SPOCK3: variants seen among roughly 807,000 people sequenced by gnomAD.
The protein encoded by SPOCK3 is SPARC (osteonectin), cwcv and kazal like domains proteoglycan 3, also known as testican-3.
In SPOCK3, 30 loss-of-function variants were observed where a neutral mutation model predicts 56.6. That is an observed-to-expected ratio of 0.53 (90% CI 0.40 to 0.72). The LOEUF is 0.72. Among genes scored for constraint, SPOCK3 ranks in the 30% least tolerant of loss-of-function variants. SPOCK3 has a pLI of 0.00. For missense variants in SPOCK3, 527 were observed against 530.0 expected, an observed-to-expected ratio of 0.99 and a Z score of 0.06; for synonymous variants, 196 against 183.3, an observed-to-expected ratio of 1.07 and a Z score of -0.56.
intron 2 of SPOCK3, among the ~76,000 whole-genome samples, chr4:167,167,930 T>C (rs1283339751): frequency 6.6e-6 from 1 of 152,038 alleles, no homozygotes; most frequent in Non-Finnish European, 1.5e-5. Flanking sequence ...TGGAGAAAAC[T>C]GAATCATGGG....
intron 2 of SPOCK3, among the ~76,000 whole-genome samples, chr4:167,068,694 T>C (rs1422778443): frequency 6.6e-6 from 1 of 151,856 alleles, no homozygotes; most frequent in African/African-American, 2.4e-5. Flanking sequence ...ATATCAGACT[T>C]ATGATTTTAT....
intron 2 of SPOCK3, among the ~76,000 whole-genome samples, chr4:167,214,887 C>T (rs1735211347): frequency 6.6e-6 from 1 of 151,948 alleles, no homozygotes; most frequent in African/African-American, 2.4e-5. Flanking sequence ...CTACTGTTGA[C>T]ATTTTCATAG....
intron 8 of SPOCK3, among the ~76,000 whole-genome samples, chr4:166,745,481 G>C (rs901577597): frequency 1.3e-5 from 2 of 152,194 alleles, no homozygotes; most frequent in African/African-American, 4.8e-5. Flanking sequence ...AAGAGCTCCT[G>C]AAGAAAGCAC....
chr4:167,154,802 T>C (rs1764685389), intron 2 of SPOCK3, among the ~76,000 whole-genome samples: 1 of 152,082 alleles, frequency 6.6e-6, no homozygotes, highest in African/African-American at 2.4e-5. Context: ...GGTTGAGAAA[T>C]AGAAGCCCTG....
chr4:166,851,386 C>T (rs1214420962), intron 6 of SPOCK3, among the ~76,000 whole-genome samples: 3 of 152,172 alleles, frequency 2.0e-5, no homozygotes, highest in African/African-American at 7.2e-5. Context: ...AGCAGAAAAA[C>T]TGGAAACTCT....
chr4:166,774,255 C>T (rs919101449), intron 7 of SPOCK3, among the ~76,000 whole-genome samples: 9 of 152,090 alleles, frequency 5.9e-5, no homozygotes, highest in East Asian at 1.9e-4. Context: ...GATGAATGAA[C>T]GATACGTAAG....
chr4:166,750,019 AC>A (rs944888964), intron 8 of SPOCK3, among the ~76,000 whole-genome samples: 3 of 152,158 alleles, frequency 2.0e-5, no homozygotes, highest in African/African-American at 7.2e-5. Flanking sequence ...AAATGCACGT[AC>A]ATTTGATCGG....
chr4:167,223,235 A>G (rs1199789095), intron 2 of SPOCK3, among the ~76,000 whole-genome samples: 2 of 139,784 alleles, frequency 1.4e-5, no homozygotes, highest in Non-Finnish European at 3.0e-5. Flanking sequence ...TATATAATAT[A>G]TTTTATATTC....
rs1009054886 is a variant in SPOCK3 at position 166,737,711 on chromosome 4, A to G, written c.995-107T>C. 2.3e-5 allele frequency: 28 copies of G among 1,211,760 alleles called. No individual in the cohort carries two copies. In the South Asian group the frequency reaches 4.4e-4, roughly 19 times the overall value. 75.1% of individuals were successfully genotyped at this position (1,211,760 alleles called of 1,614,324 possible). ...ATGCATTAATGCATTAAAGACTTAC[A>G]CATATGGAGTGTCCACTGTATTCCA... On this transcript the variant is annotated intron_variant, in intron 9 of 10. Transcript: ENST00000357545.
chr4:166,851,260 G>T (rs898428668), intron 6 of SPOCK3, among the ~76,000 whole-genome samples: 1 of 152,162 alleles, frequency 6.6e-6, no homozygotes, highest in Non-Finnish European at 1.5e-5. Context: ...TGAGGGTCCT[G>T]TCTGTTAGAA....
chr4:167,124,617 T>C (rs1011216146), intron 2 of SPOCK3, among the ~76,000 whole-genome samples: 3 of 152,116 alleles, frequency 2.0e-5, no homozygotes, highest in South Asian at 2.1e-4. Context: ...ATCTAAATGA[T>C]GCAACAGCTT....
chr4:167,217,344 C>T (rs1250068482), intron 2 of SPOCK3, among the ~76,000 whole-genome samples: 1 of 151,386 alleles, frequency 6.6e-6, no homozygotes, highest in Non-Finnish European at 1.5e-5. Context: ...CTCTACTGAA[C>T]ATGTACAGAT....
At chr4:167,036,545 C>T (rs1385793835) in intron 3 of SPOCK3, among the ~76,000 whole-genome samples, 1 of 152,106 alleles carries the variant, frequency 6.6e-6, no homozygotes. Flanking sequence ...TATTTAGTGG[C>T]CTCTGAAATA....
intron 6 of SPOCK3, among the ~76,000 whole-genome samples, chr4:166,864,073 G>T (rs1170013732): frequency 6.7e-6 from 1 of 149,956 alleles, no homozygotes; most frequent in Non-Finnish European, 1.5e-5. Context: ...AATGGAAATT[G>T]TAACCGTCTC....
intron 4 of SPOCK3, among the ~76,000 whole-genome samples, chr4:166,975,440 G>T (rs1018263952): frequency 2.6e-5 from 4 of 152,112 alleles, no homozygotes; most frequent in Non-Finnish European, 5.9e-5. Context: ...CATACCATGT[G>T]CACTAATCAC....
At chr4:166,782,368 T>C (rs1177517187) in intron 7 of SPOCK3, among the ~76,000 whole-genome samples, 1 of 152,106 alleles carries the variant, frequency 6.6e-6, no homozygotes, top group Non-Finnish European at 1.5e-5. Flanking sequence ...AATAGACAAT[T>C]ACATCTGAAA....
At chr4:166,882,385 C>T (rs530351939) in intron 6 of SPOCK3, among the ~76,000 whole-genome samples, 52 of 152,266 alleles carry the variant, frequency 3.4e-4, no homozygotes, top group African/African-American at 1.2e-3. Context: ...CTGGCCAAAC[C>T]ACACTGTACC....
chr4:166,797,410 A>G (rs1742079860), intron 6 of SPOCK3, among the ~76,000 whole-genome samples: 1 of 151,630 alleles, frequency 6.6e-6, no homozygotes. Flanking sequence ...AAACAACAAG[A>G]AGAAATTACA....
intron 7 of SPOCK3, among the ~76,000 whole-genome samples, chr4:166,766,173 C>A (rs1319796225): frequency 6.6e-6 from 1 of 152,136 alleles, no homozygotes; most frequent in Non-Finnish European, 1.5e-5. Context: ...ATTGAATACC[C>A]TTTATTTCTT....
Sources: allele counts gnomAD v4.1 joint callset (sites outside exome capture counted in the v4.1 genomes callset), GRCh38; gene constraint gnomAD v4.1.1; transcripts MANE v1.5; gene names NCBI Gene and HGNC (gene_info 2026-07-23, HGNC 2026-07-21).